The following PITPNB variants were observed in gnomAD, a reference collection of about 807,000 sequenced individuals.
The protein encoded by PITPNB is phosphatidylinositol transfer protein beta, also known as phosphatidylinositol transfer protein beta isoform.
Under a neutral mutation model 45.9 loss-of-function variants are expected in PITPNB, and 16 were observed. The ratio of observed to expected loss-of-function variants is 0.35; its 90% confidence interval spans 0.24 to 0.53. The LOEUF is 0.53. Among genes scored for constraint, PITPNB ranks in the 20% least tolerant of loss-of-function variants. PITPNB has a pLI of 0.93. For synonymous variants in PITPNB, 112 were observed against 108.9 expected (o/e 1.03, Z -0.18); for missense variants, 188 against 330.5 (o/e 0.57, Z 3.34).
chr22:27,879,503 C>T (rs1418298240), intron 7 of PITPNB, among the ~76,000 whole-genome samples: 1 of 151,988 alleles, frequency 6.6e-6, no homozygotes, highest in Non-Finnish European at 1.5e-5. Context: ...GAGGTGGGTT[C>T]CTGCTTTGGG....
At chr22:27,911,434 T>C (rs529906908) in intron 2 of PITPNB, among the ~76,000 whole-genome samples, 2 of 152,244 alleles carry the variant, frequency 1.3e-5, no homozygotes, top group African/African-American at 2.4e-5. Context: ...GAACAATATA[T>C]ATTTGTACTT....
At chr22:27,884,767 T>C (rs1935068549) in intron 7 of PITPNB, among the ~76,000 whole-genome samples, 3 of 152,198 alleles carry the variant, frequency 2.0e-5, no homozygotes, top group Admixed American at 2.0e-4. Flanking sequence ...TTAAACTACA[T>C]CTCTCAATTT....
At chr22:27,875,719 T>C (rs1330186240) in intron 7 of PITPNB, among the ~76,000 whole-genome samples, 1 of 152,198 alleles carries the variant, frequency 6.6e-6, no homozygotes, top group African/African-American at 2.4e-5. Flanking sequence ...AATCTAGTTA[T>C]TGAACAGCCA....
intron 3 of PITPNB, among the ~76,000 whole-genome samples, chr22:27,903,527 G>A (rs546857377): frequency 8.6e-5 from 13 of 150,472 alleles, no homozygotes; most frequent in Non-Finnish European, 1.3e-4. Context: ...TGTAATCCCA[G>A]TACTTTGGGA....
chr22:27,917,289 T>C (rs1320851244), intron 1 of PITPNB, among the ~76,000 whole-genome samples: 1 of 152,236 alleles, frequency 6.6e-6, no homozygotes, highest in Admixed American at 6.5e-5. Context: ...GTCAAAGGGA[T>C]CTACTGAATA....
chr22:27,876,863 G>A (rs1330284656), intron 7 of PITPNB, among the ~76,000 whole-genome samples: 2 of 152,174 alleles, frequency 1.3e-5, no homozygotes, highest in Admixed American at 1.3e-4. Flanking sequence ...TGTCTCCTTT[G>A]GGATCCCATG....
rs996220010 is a variant in PITPNB at position 27,879,484 on chromosome 22, C to A, written c.457-5669G>T. ...CCCATGGGCTACACCCCAGCACTCT[C>A]CTCAGGGGGAGGTGGGTTCCTGCTT... On this transcript the variant is annotated intron_variant, in intron 7 of 11. Coordinates refer to ENST00000335272, the MANE Select transcript of PITPNB (RefSeq NM_012399.5). Among the ~76,000 whole-genome samples the A allele has an allele frequency of 3.9e-5, 6 of 152,306 alleles. 1 individual carries two copies. The highest frequency in any genetic ancestry group is 3.9e-4 in the East Asian group (2 of 5,178).
intron 7 of PITPNB, among the ~76,000 whole-genome samples, chr22:27,878,599 T>C (rs950076293): frequency 6.6e-6 from 1 of 152,350 alleles, no homozygotes; most frequent in African/African-American, 2.4e-5. Context: ...CAGGTCCTAC[T>C]ACCTTGGAAT....
At chr22:27,891,846 G>T (rs1296474290) in intron 7 of PITPNB, among the ~76,000 whole-genome samples, 1 of 152,082 alleles carries the variant, frequency 6.6e-6, no homozygotes, top group African/African-American at 2.4e-5. Context: ...GTATGAAACA[G>T]ACTAATATAC....
chr22:27,900,776 T>C (rs1569029165), intron 3 of PITPNB, among the ~76,000 whole-genome samples: 1 of 152,230 alleles, frequency 6.6e-6, no homozygotes, highest in Admixed American at 6.5e-5. Flanking sequence ...TGAGAGCATA[T>C]ACATCATTTT....
intron 8 of PITPNB, among the ~76,000 whole-genome samples, chr22:27,861,976 C>G (rs985161680): frequency 6.6e-6 from 1 of 152,282 alleles, no homozygotes; most frequent in Admixed American, 6.5e-5. Flanking sequence ...GACGGGGACC[C>G]CTTTTATAAA....
chr22:27,870,815 T>C (rs1388668324), intron 8 of PITPNB, among the ~76,000 whole-genome samples: 2 of 152,246 alleles, frequency 1.3e-5, no homozygotes, highest in Non-Finnish European at 2.9e-5. Context: ...AGCTATCTTC[T>C]TACGCTTTAT....
intron 8 of PITPNB, among the ~76,000 whole-genome samples, chr22:27,869,418 T>C (rs1321084652): frequency 6.6e-6 from 1 of 152,142 alleles, no homozygotes; most frequent in East Asian, 1.9e-4. Flanking sequence ...GTGGAAAATA[T>C]GAAAATATAT....
intron 10 of PITPNB, among the ~76,000 whole-genome samples, chr22:27,857,261 A>G (rs1259448064): frequency 7.2e-5 from 11 of 152,252 alleles, no homozygotes. Flanking sequence ...TTTTTGGAAC[A>G]AAATCCATTC....
At position 27,853,478 on chromosome 22, in the gene PITPNB, G is replaced by A. The variant is rs1028211967; in HGVS notation, c.*224C>T. 123 of 680,624 alleles carry A rather than the reference G, an allele frequency of 1.8e-4. No individual in the cohort carries two copies. In the African/African-American group the frequency reaches 2.0e-3, roughly 11 times the overall value. The allele number at this position is 680,624 out of a possible 1,614,324, so 42.2% of individuals were successfully genotyped here. On this transcript the variant is annotated 3_prime_UTR_variant, in exon 12 of 12. Coordinates refer to ENST00000335272, the MANE Select transcript of PITPNB (RefSeq NM_012399.5). ...TATCTGGATCTGTAGCTCTACATGC[G>A]CTTTATATACAGCTACAGACATATG...
At chr22:27,911,191 A>G in intron 2 of PITPNB, 82 bp from the exon 3 acceptor site, 1 of 952,312 alleles carries the variant, frequency 1.1e-6, no homozygotes, top group Non-Finnish European at 1.7e-6. Flanking sequence ...AATAATATAG[A>G]TGATATAGAA....
intron 8 of PITPNB, among the ~76,000 whole-genome samples, chr22:27,871,717 G>A (rs903263006): frequency 2.6e-5 from 4 of 152,180 alleles, no homozygotes; most frequent in African/African-American, 7.2e-5. Flanking sequence ...ATCACTTTCT[G>A]GGTAATATAG....
chr22:27,887,007 G>A (rs186172915), intron 7 of PITPNB, among the ~76,000 whole-genome samples: 342 of 152,220 alleles, frequency 2.2e-3, no homozygotes, highest in African/African-American at 7.1e-3. Context: ...CAAACTTTGA[G>A]GATCACTATA....
intron 7 of PITPNB, among the ~76,000 whole-genome samples, chr22:27,875,343 C>A (rs867188925): frequency 2.0e-5 from 3 of 152,254 alleles, no homozygotes; most frequent in South Asian, 4.1e-4. Context: ...CTGGGATGGA[C>A]AGTCTGCAAG....
Sources: gnomAD v4.1 joint callset for allele counts (sites outside exome capture counted in the v4.1 genomes callset) on GRCh38, gnomAD v4.1.1 for gene constraint, MANE v1.5 for transcripts, NCBI Gene and HGNC (gene_info 2026-07-23, HGNC 2026-07-21) for gene names.